The following NHERF2 variants were observed in gnomAD, a reference collection of about 807,000 sequenced individuals.
NHERF2 encodes the protein Na(+)/H(+) exchange regulatory cofactor NHE-RF2.
At chr16:2,029,463 C>T in the NHERF2 span, 3 of 941,022 alleles carry the variant, frequency 3.2e-6, no homozygotes, top group South Asian at 4.7e-5. Flanking sequence ...GGTGCAGCCA[C>T]CCGCCCATGC....
the NHERF2 span, among the ~76,000 whole-genome samples, chr16:2,027,398 TG>T: frequency 8.7e-4 from 127 of 145,394 alleles, no homozygotes; most frequent in East Asian, 2.3e-3. Flanking sequence ...TGCACGGGGG[TG>T]GGGGGGGGCA....
At chr16:2,027,278 C>G in the NHERF2 span, 1 of 1,086,040 alleles carries the variant, frequency 9.2e-7, no homozygotes, top group Non-Finnish European at 1.2e-6. Context: ...CCCCCTGGGG[C>G]GAGCAGGGGT....
At chr16:2,038,025 C>T in the NHERF2 span, 1 of 1,607,132 alleles carries the variant, frequency 6.2e-7, no homozygotes, top group Non-Finnish European at 8.5e-7. Flanking sequence ...ACCCCTCCCG[C>T]ACGGACCTTG....
At chr16:2,036,579 AGGAG>A in the NHERF2 span, 19 of 1,518,522 alleles carry the variant, frequency 1.3e-5, no homozygotes, top group East Asian at 3.9e-4. Context: ...CCTTGCAGGG[AGGAG>A]GGAGACGCTG....
chr16:2,032,211 G>A, the NHERF2 span, among the ~76,000 whole-genome samples: 1 of 152,040 alleles, frequency 6.6e-6, no homozygotes, highest in Non-Finnish European at 1.5e-5. This position sits in a 1 kb window ranked among gnomAD's most constrained non-coding sequence, Gnocchi z 4.0. Flanking sequence ...GTAGAGACAG[G>A]GTTTCACCGT....
At chr16:2,034,913 C>T in the NHERF2 span, among the ~76,000 whole-genome samples, 2 of 152,226 alleles carry the variant, frequency 1.3e-5, no homozygotes, top group African/African-American at 4.8e-5. Flanking sequence ...CTTGAAGCCC[C>T]ACGCCTGTGC....
At chr16:2,038,260 A>C in the NHERF2 span, 254 of 566,162 alleles carry the variant, frequency 4.5e-4, 1 homozygote, top group East Asian at 6.0e-3. Flanking sequence ...AGACAGAGAG[A>C]GAGCGAGCGA....
the NHERF2 span, among the ~76,000 whole-genome samples, chr16:2,030,534 T>C: frequency 2.0e-5 from 3 of 152,022 alleles, no homozygotes; most frequent in South Asian, 4.2e-4. Flanking sequence ...CTGGCAGGCC[T>C]TGGGGACCAG....
At chr16:2,033,606 AC>A in the NHERF2 span, among the ~76,000 whole-genome samples, 1 of 152,008 alleles carries the variant, frequency 6.6e-6, no homozygotes, top group African/African-American at 2.4e-5. Flanking sequence ...TGCCCAGGGT[AC>A]CCCCATGCCA....
chr16:2,036,197 C>A, the NHERF2 span: 4 of 958,996 alleles, frequency 4.2e-6, no homozygotes, highest in South Asian at 7.0e-5. Flanking sequence ...GAGTGTTTGC[C>A]ACTGAGACCT....
At chr16:2,033,055 C>A in the NHERF2 span, 3 of 1,296,576 alleles carry the variant, frequency 2.3e-6, no homozygotes, top group African/African-American at 4.6e-5. Flanking sequence ...GGGACTCCTC[C>A]CTGTCCCCTC....
chr16:2,032,567 G>A, the NHERF2 span, among the ~76,000 whole-genome samples: 1 of 152,228 alleles, frequency 6.6e-6, no homozygotes, highest in Non-Finnish European at 1.5e-5. The surrounding 1 kb of genome is among the most constrained non-coding windows in gnomAD (Gnocchi z 4.0). Context: ...GGATGGAGAG[G>A]GCCCAACTTT....
chr16:2,032,105 C>T, the NHERF2 span, among the ~76,000 whole-genome samples: 1 of 151,524 alleles, frequency 6.6e-6, no homozygotes, highest in Non-Finnish European at 1.5e-5. This position sits in a 1 kb window ranked among gnomAD's most constrained non-coding sequence, Gnocchi z 4.0. Context: ...CTGCAAGCTC[C>T]GCCTCCTGGG....
the NHERF2 span, chr16:2,036,664 T>C: frequency 5.0e-6 from 8 of 1,586,844 alleles, no homozygotes; most frequent in Admixed American, 3.4e-5. Flanking sequence ...ATGCCACACC[T>C]GGCCACGCGG....
At chr16:2,038,400 ACCCCCCCCCT>A in the NHERF2 span, 5 of 336,036 alleles carry the variant, frequency 1.5e-5, no homozygotes, top group Middle Eastern at 5.8e-4. Context: ...AATACCAGAG[ACCCCCCCCCT>A]TCCCCTCCCC....
At chr16:2,035,230 T>G in the NHERF2 span, among the ~76,000 whole-genome samples, 243 of 152,214 alleles carry the variant, frequency 1.6e-3, 1 homozygote, top group Non-Finnish European at 2.8e-3. Flanking sequence ...AGGACCCCCT[T>G]GCTCCCTTGG....
At chr16:2,027,078 C>G in the NHERF2 span, 13 of 1,453,436 alleles carry the variant, frequency 8.9e-6, no homozygotes, top group Non-Finnish European at 1.2e-5. Context: ...CGGCTTCCAC[C>G]TGCACGGCGA....
chr16:2,031,458 T>C, the NHERF2 span, among the ~76,000 whole-genome samples: 2 of 152,342 alleles, frequency 1.3e-5, no homozygotes, highest in South Asian at 4.1e-4. Context: ...ATGGTTCACC[T>C]TCCTGTGGAA....
At chr16:2,036,749 G>T in the NHERF2 span, 2 of 1,613,144 alleles carry the variant, frequency 1.2e-6, no homozygotes, top group Non-Finnish European at 8.5e-7. Flanking sequence ...GAATGTGGAG[G>T]GACTGCGCCA....
Sources: gnomAD v4.1 joint callset for allele counts (sites outside exome capture counted in the v4.1 genomes callset) on GRCh38, gnomAD v4.1.1 for gene constraint, Gnocchi (gnomAD v3.1) non-coding constraint, MANE v1.5 for transcripts, NCBI Gene and HGNC (gene_info 2026-07-23, HGNC 2026-07-21) for gene names.